The following RBFOX2 variants were observed in gnomAD, a reference collection of about 807,000 sequenced individuals.
RBFOX2 encodes the protein RNA binding fox-1 homolog 2.
A neutral mutation model predicts 49.1 loss-of-function variants in RBFOX2; 10 were observed. That is an observed-to-expected ratio of 0.20 (90% CI 0.13 to 0.35). The LOEUF (loss-of-function observed/expected upper bound fraction) is 0.35. Among genes scored for constraint, RBFOX2 ranks in the 10% least tolerant of loss-of-function variants. The pLI is 1.00. For missense variants in RBFOX2, 323 were observed against 486.9 expected (o/e 0.66, Z 3.17); for synonymous variants, 183 against 187.4 (o/e 0.98, Z 0.19).
At chr22:35,818,183 C>T (rs1953594417) in intron 1 of RBFOX2, among the ~76,000 whole-genome samples, 1 of 152,210 alleles carries the variant, frequency 6.6e-6, no homozygotes, top group African/African-American at 2.4e-5. Flanking sequence ...AAAGCTCTTT[C>T]CTCTATTTCT....
chr22:35,831,958 C>T (rs1257874696), intron 1 of RBFOX2, among the ~76,000 whole-genome samples: 2 of 152,100 alleles, frequency 1.3e-5, no homozygotes, highest in African/African-American at 2.4e-5. Context: ...TGAGGGCATG[C>T]TTTATAGTGG....
At chr22:35,821,764 C>A (rs1225860832) in intron 1 of RBFOX2, 1 of 518,780 alleles carries the variant, frequency 1.9e-6, no homozygotes, top group Non-Finnish European at 3.8e-6. Context: ...CACCCCCAAG[C>A]TTTGGCAACA....
intron 1 of RBFOX2, among the ~76,000 whole-genome samples, chr22:35,975,833 A>T (rs1230422605): frequency 2.6e-5 from 4 of 152,214 alleles, no homozygotes; most frequent in African/African-American, 9.6e-5. Context: ...TTACCAGCTC[A>T]ATCACTAATT....
chr22:35,848,897 G>A (rs917826646), intron 1 of RBFOX2, among the ~76,000 whole-genome samples: 2 of 152,114 alleles, frequency 1.3e-5, no homozygotes, highest in Non-Finnish European at 2.9e-5. Flanking sequence ...AAAAATTGAA[G>A]TTATTTGAGC....
chr22:35,807,588 T>C (rs1052524884), intron 2 of RBFOX2, among the ~76,000 whole-genome samples: 7 of 151,866 alleles, frequency 4.6e-5, no homozygotes, highest in Admixed American at 3.3e-4. Context: ...TTTTACGGTA[T>C]GCAGCTAAAG....
intron 1 of RBFOX2, among the ~76,000 whole-genome samples, chr22:35,973,075 C>T (rs1478971510): frequency 6.6e-6 from 1 of 152,096 alleles, no homozygotes; most frequent in Non-Finnish European, 1.5e-5. Flanking sequence ...AGAAACTGCC[C>T]TATCCTCAAG....
chr22:35,839,430 G>A (rs867556763), intron 1 of RBFOX2, among the ~76,000 whole-genome samples: 1 of 151,968 alleles, frequency 6.6e-6, no homozygotes. Context: ...TGAGGGGGTT[G>A]GGGGAGAGAG....
chr22:35,764,311 A>G (rs1208647961), intron 6 of RBFOX2, among the ~76,000 whole-genome samples: 2 of 152,102 alleles, frequency 1.3e-5, no homozygotes, highest in Non-Finnish European at 2.9e-5. Context: ...AGAGCCAGGC[A>G]TGGTGGCTCA....
intron 1 of RBFOX2, among the ~76,000 whole-genome samples, chr22:35,978,816 A>G (rs1424141613): frequency 6.6e-6 from 1 of 152,228 alleles, no homozygotes; most frequent in African/African-American, 2.4e-5. Context: ...CATCTAACAA[A>G]TACAGGCAGA....
intron 1 of RBFOX2, among the ~76,000 whole-genome samples, chr22:35,862,258 T>C (rs1238673513): frequency 1.3e-5 from 2 of 152,124 alleles, no homozygotes; most frequent in Non-Finnish European, 2.9e-5. Context: ...ATTAATTTTA[T>C]ATAGGTGCAG....
At chr22:35,957,881 C>T (rs2055762941) in intron 1 of RBFOX2, among the ~76,000 whole-genome samples, 1 of 152,200 alleles carries the variant, frequency 6.6e-6, no homozygotes, top group Admixed American at 6.5e-5. Flanking sequence ...TAACCACCAA[C>T]AAATCAGTTT....
intron 9 of RBFOX2, among the ~76,000 whole-genome samples, chr22:35,753,320 T>C (rs1935649745): frequency 6.6e-6 from 1 of 152,202 alleles, no homozygotes; most frequent in African/African-American, 2.4e-5. Flanking sequence ...TTTGAAGAAG[T>C]ATCCTTTGCT....
At chr22:35,782,083 T>G (rs1049098314) in intron 2 of RBFOX2, among the ~76,000 whole-genome samples, 5 of 152,264 alleles carry the variant, frequency 3.3e-5, no homozygotes, top group Non-Finnish European at 7.3e-5. Flanking sequence ...TCCTTCATTC[T>G]TAGACTCTTA....
At chr22:35,837,488 AAC>A (rs561629926) in intron 1 of RBFOX2, among the ~76,000 whole-genome samples, 55 of 139,362 alleles carry the variant, frequency 3.9e-4, no homozygotes, top group East Asian at 9.8e-4. Context: ...GTCTGGCTCA[AAC>A]ACACACACAC....
At chr22:36,024,445 C>T (rs185430391) in intron 1 of RBFOX2, among the ~76,000 whole-genome samples, 15 of 152,188 alleles carry the variant, frequency 9.9e-5, no homozygotes, top group East Asian at 9.7e-4. Context: ...AGTTAGAAAA[C>T]GTGTTAAGAA....
chr22:35,991,153 A>G (rs964761043), intron 1 of RBFOX2, among the ~76,000 whole-genome samples: 6 of 152,110 alleles, frequency 3.9e-5, no homozygotes, highest in Middle Eastern at 3.2e-3. Context: ...AGGGAGATAG[A>G]GGATGTAAAG....
chr22:35,922,408 A>T (rs1431042093), intron 1 of RBFOX2, among the ~76,000 whole-genome samples: 2 of 151,518 alleles, frequency 1.3e-5, no homozygotes, highest in Admixed American at 1.3e-4. Flanking sequence ...GTGAAACCCC[A>T]TCTCTACTAA....
intron 1 of RBFOX2, among the ~76,000 whole-genome samples, chr22:35,891,079 G>A (rs995343869): frequency 1.5e-4 from 23 of 152,066 alleles, no homozygotes; most frequent in Admixed American, 1.2e-3. Context: ...AGACAGATTC[G>A]AATAGCATTC....
chr22:35,864,939 C>T (rs1020206940), intron 1 of RBFOX2, among the ~76,000 whole-genome samples: 1 of 152,218 alleles, frequency 6.6e-6, no homozygotes, highest in Non-Finnish European at 1.5e-5. Flanking sequence ...AGACTAGATT[C>T]CCTCTCAGGA....
Sources: allele counts gnomAD v4.1 joint callset (sites outside exome capture counted in the v4.1 genomes callset), GRCh38; gene constraint gnomAD v4.1.1; transcripts MANE v1.5; gene names NCBI Gene and HGNC (gene_info 2026-07-23, HGNC 2026-07-21).